GRM7: variants seen among roughly 807,000 people sequenced by gnomAD.
The protein encoded by GRM7 is glutamate metabotropic receptor 7.
In GRM7, 35 loss-of-function variants were observed where a neutral mutation model predicts 84.5. The observed-to-expected ratio is 0.41, with a 90% confidence interval of 0.32 to 0.55. The LOEUF is 0.55. Among genes scored for constraint, GRM7 ranks in the 20% least tolerant of loss-of-function variants. GRM7 has a pLI of 0.19. For synonymous variants in GRM7, 487 were observed against 455.1 expected, an observed-to-expected ratio of 1.07 and a Z score of -0.89; for missense variants, 1,003 against 1,194.6, an observed-to-expected ratio of 0.84 and a Z score of 2.36.
intron 1 of GRM7, among the ~76,000 whole-genome samples, chr3:6,883,672 A>T (rs1267236150): frequency 6.6e-6 from 1 of 152,216 alleles, no homozygotes; most frequent in Non-Finnish European, 1.5e-5. Context: ...TCAGATAAGC[A>T]TAATTAATTT....
chr3:7,412,250 A>G lies in GRM7; in HGVS notation c.1034-2773A>G, dbSNP rs149337039. ...GGTGCCCCCTGGCACCTCGGCCAACAGAGATGTTCTAATCTCCAATACATG... is the reference window on the plus strand; with the variant it reads ...GGTGCCCCCTGGCACCTCGGCCAACGGAGATGTTCTAATCTCCAATACATG... On this transcript the variant is annotated intron_variant, in intron 4 of 9. Transcript: ENST00000357716. 1.7e-3 allele frequency among the ~76,000 whole-genome samples: 266 copies of G among 152,294 alleles called. 1 individual carries two copies. The highest frequency in any genetic ancestry group is 6.8e-3 in the Middle Eastern group (2 of 294).
chr3:7,471,082 G>C (rs1247940882), intron 7 of GRM7, among the ~76,000 whole-genome samples: 1 of 151,520 alleles, frequency 6.6e-6, no homozygotes, highest in African/African-American at 2.4e-5. Flanking sequence ...ATAAAATAAA[G>C]TCAAATCAAG....
At chr3:7,564,981 A>G (rs1011826531) in intron 7 of GRM7, among the ~76,000 whole-genome samples, 2 of 152,216 alleles carry the variant, frequency 1.3e-5, no homozygotes, top group African/African-American at 4.8e-5. Flanking sequence ...CTCCCGTCTC[A>G]TAATGTGCTA....
chr3:7,215,664 CA>C (rs531648392), intron 2 of GRM7, among the ~76,000 whole-genome samples: 517 of 137,280 alleles, frequency 3.8e-3, no homozygotes, highest in Non-Finnish European at 6.8e-3. Context: ...GACTCTGTCT[CA>C]AAAAAATAAA....
intron 2 of GRM7, among the ~76,000 whole-genome samples, chr3:7,221,481 CTT>C (rs1696799094): frequency 1.3e-5 from 2 of 151,966 alleles, no homozygotes; most frequent in South Asian, 2.1e-4. Context: ...TATATTCTGA[CTT>C]TGTTGTTTCT....
chr3:7,644,589 G>C (rs1017881142), intron 8 of GRM7, among the ~76,000 whole-genome samples: 1 of 152,172 alleles, frequency 6.6e-6, no homozygotes, highest in South Asian at 2.1e-4. Context: ...TCCTCACCAT[G>C]CTGAAGACTG....
At chr3:6,903,020 C>A (rs1250587084) in intron 1 of GRM7, among the ~76,000 whole-genome samples, 1 of 152,058 alleles carries the variant, frequency 6.6e-6, no homozygotes, top group Non-Finnish European at 1.5e-5. Flanking sequence ...AAGCTGATTT[C>A]TATTTGCTTT....
At chr3:7,476,586 A>G (rs1698930651) in intron 7 of GRM7, among the ~76,000 whole-genome samples, 1 of 152,132 alleles carries the variant, frequency 6.6e-6, no homozygotes, top group South Asian at 2.1e-4. Context: ...AGTGACTAGG[A>G]CAGTGGCTGA....
chr3:7,616,015 A>C (rs377298725), intron 8 of GRM7, among the ~76,000 whole-genome samples: 1 of 152,100 alleles, frequency 6.6e-6, no homozygotes, highest in African/African-American at 2.4e-5. Flanking sequence ...TTTTAATTTT[A>C]TTCAGGTTTC....
At chr3:7,477,609 C>A (rs559002333) in intron 7 of GRM7, among the ~76,000 whole-genome samples, 104 of 152,316 alleles carry the variant, frequency 6.8e-4, no homozygotes, top group African/African-American at 2.5e-3. Flanking sequence ...CTGCATCTCA[C>A]TTTGTTTCTT....
In GRM7 at chr3:6,861,768, T is replaced by A. The variant is rs1407903429; in HGVS notation, c.380T>A (p.Ile127Asn). The change falls in exon 1 of 10, where the codon ATC becomes AAC. Residue 127 changes from isoleucine (I) to asparagine (N), a missense_variant. Ile to Asn is a moderately radical substitution (Grantham distance 149, BLOSUM62 -3). This residue lies in a region of GRM7 where 910 missense variants were observed against 1,126.0 expected (regional missense o/e 0.81). Coordinates refer to ENST00000357716, the MANE Select transcript of GRM7 (RefSeq NM_000844.4). This position sits in a 1 kb window ranked among gnomAD's most constrained non-coding sequence, Gnocchi z 6.4. ...EQSLTFVQAL[I>N]QKDTSDVRCT... ...TCGCTTACTTTCGTCCAGGCGCTCA[T>A]CCAGAAGGACACCTCCGACGTGCGC... The A allele has an allele frequency of 6.2e-7, 1 of 1,614,058 alleles. No individual in the cohort carries two copies. Among genetic ancestry groups the A allele is most frequent in the Non-Finnish European group, 8.5e-7 (1 of 1,180,044 alleles).
intron 1 of GRM7, among the ~76,000 whole-genome samples, chr3:7,009,296 C>A (rs1197168127): frequency 1.3e-5 from 2 of 152,146 alleles, no homozygotes; most frequent in Non-Finnish European, 2.9e-5. Flanking sequence ...CTGAGTATTT[C>A]TTGGGTGCCA....
chr3:7,126,471 G>A (rs1693404626), intron 1 of GRM7, among the ~76,000 whole-genome samples: 1 of 152,212 alleles, frequency 6.6e-6, no homozygotes, highest in Admixed American at 6.5e-5. Context: ...AAACCCCGAA[G>A]GTTTGTCAAC....
chr3:7,414,990 CA>C, intron 4 of GRM7, 32 bp from the exon 5 acceptor site: 4 of 1,570,488 alleles, frequency 2.5e-6, no homozygotes, highest in Non-Finnish European at 3.5e-6. Context: ...CAGTGCCCCG[CA>C]AGCAATGACC....
At chr3:7,011,471 G>A (rs1695365898) in intron 1 of GRM7, among the ~76,000 whole-genome samples, 1 of 152,090 alleles carries the variant, frequency 6.6e-6, no homozygotes, top group Non-Finnish European at 1.5e-5. Context: ...TATGCCTTTG[G>A]TGGTATCTTA....
At chr3:7,510,510 C>T (rs560755494) in intron 7 of GRM7, among the ~76,000 whole-genome samples, 1 of 152,046 alleles carries the variant, frequency 6.6e-6, no homozygotes, top group Non-Finnish European at 1.5e-5. Context: ...TGTTGGGGAA[C>T]CTTGTAGCCA....
intron 3 of GRM7, among the ~76,000 whole-genome samples, chr3:7,304,528 A>G (rs1700122166): frequency 6.6e-6 from 1 of 151,780 alleles, no homozygotes; most frequent in Non-Finnish European, 1.5e-5. Context: ...ATTAAAAATA[A>G]TATTTAAAGA....
At chr3:7,240,120 G>T (rs1208713432) in intron 2 of GRM7, among the ~76,000 whole-genome samples, 2 of 52,720 alleles carry the variant, frequency 3.8e-5, no homozygotes, top group African/African-American at 7.0e-5. Context: ...AGCATGTGAG[G>T]TTTTTTTTTT....
chr3:7,461,978 C>T (rs984878870), intron 7 of GRM7, among the ~76,000 whole-genome samples: 1 of 152,112 alleles, frequency 6.6e-6, no homozygotes, highest in Admixed American at 6.6e-5. Context: ...ACTGGGGTTA[C>T]TTAGCAAACA....
Sources: allele counts gnomAD v4.1 joint callset (sites outside exome capture counted in the v4.1 genomes callset), GRCh38; gene constraint gnomAD v4.1.1; regional missense constraint gnomAD v4.1.1; non-coding constraint Gnocchi (gnomAD v3.1); transcripts MANE v1.5; gene names NCBI Gene and HGNC (gene_info 2026-07-23, HGNC 2026-07-21).